The following AFTPH variants were observed in gnomAD, a reference collection of about 807,000 sequenced individuals.
The protein encoded by AFTPH is aftiphilin.
In AFTPH, 7 loss-of-function variants were observed where a neutral mutation model predicts 72.5. That is an observed-to-expected ratio of 0.10 (90% CI 0.05 to 0.18). The LOEUF (loss-of-function observed/expected upper bound fraction) is 0.18, where lower values mean the gene tolerates loss of function less well. AFTPH is among the 10% of genes least tolerant of loss of function. The probability of loss-of-function intolerance (pLI) is 1.00; values close to 1 mark genes in which losing one functional copy is unlikely to be tolerated. For synonymous variants in AFTPH, 337 were observed against 370.1 expected, an observed-to-expected ratio of 0.91 and a Z score of 1.03; for missense variants, 979 against 1,060.5, an observed-to-expected ratio of 0.92 and a Z score of 1.07.
At chr2:64,542,103 A>T (rs1421069997) in intron 1 of AFTPH, among the ~76,000 whole-genome samples, 1 of 152,230 alleles carries the variant, frequency 6.6e-6, no homozygotes, top group Non-Finnish European at 1.5e-5. Context: ...ACATTGATAC[A>T]GCTGGGCTGG....
At chr2:64,540,282 G>A (rs1010537176) in intron 1 of AFTPH, among the ~76,000 whole-genome samples, 4 of 152,086 alleles carry the variant, frequency 2.6e-5, no homozygotes, top group African/African-American at 9.7e-5. Flanking sequence ...ATCCATCCTC[G>A]TGGATGCTTC....
chr2:64,591,250 G>T (rs1673807805), intron 8 of AFTPH, among the ~76,000 whole-genome samples: 1 of 152,200 alleles, frequency 6.6e-6, no homozygotes, highest in South Asian at 2.1e-4. Context: ...TAGGATTTGA[G>T]ATTTCCCTCA....
intron 8 of AFTPH, among the ~76,000 whole-genome samples, chr2:64,587,724 T>C (rs892647194): frequency 1.3e-5 from 2 of 152,250 alleles, no homozygotes; most frequent in Non-Finnish European, 2.9e-5. Flanking sequence ...AATTTATATG[T>C]GCTCTTCTCT....
exon 2 of AFTPH, chr2:64,551,653 T>C: frequency 1.2e-6 from 2 of 1,614,050 alleles, no homozygotes; most frequent in Non-Finnish European, 1.7e-6. Context: ...GAAGAGTTTG[T>C]ACCTTCAAAC....
intron 2 of AFTPH, among the ~76,000 whole-genome samples, chr2:64,567,278 A>C (rs1403449309): frequency 6.6e-6 from 1 of 152,188 alleles, no homozygotes; most frequent in Middle Eastern, 3.2e-3. Context: ...TCTTTTTTGT[A>C]GAATTTTGTA....
intron 6 of AFTPH, among the ~76,000 whole-genome samples, chr2:64,579,281 G>A (rs1673018025): frequency 6.6e-6 from 1 of 152,122 alleles, no homozygotes; most frequent in Non-Finnish European, 1.5e-5. Flanking sequence ...CTTTTTAAAT[G>A]TCAATAACCT....
chr2:64,545,200 G>A (rs542784340), intron 1 of AFTPH, among the ~76,000 whole-genome samples: 6 of 152,152 alleles, frequency 3.9e-5, no homozygotes, highest in African/African-American at 1.4e-4. Context: ...TTCTTTGAAA[G>A]TAAGGTATTA....
chr2:64,555,600 A>C (rs1040089556), intron 2 of AFTPH, among the ~76,000 whole-genome samples: 1 of 137,314 alleles, frequency 7.3e-6, no homozygotes, highest in African/African-American at 2.9e-5. Context: ...CACACACACA[A>C]GACTTTCTTG....
intron 2 of AFTPH, among the ~76,000 whole-genome samples, chr2:64,553,962 C>T (rs752068246): frequency 1.2e-4 from 19 of 152,008 alleles, no homozygotes; most frequent in Admixed American, 9.2e-4. Context: ...AACAGAAAAA[C>T]AACTAGAAAA....
At chr2:64,554,242 C>T (rs1364192838) in intron 2 of AFTPH, among the ~76,000 whole-genome samples, 1 of 152,152 alleles carries the variant, frequency 6.6e-6, no homozygotes, top group Non-Finnish European at 1.5e-5. Context: ...TTAAGATTCA[C>T]TTTGACCTAA....
chr2:64,562,874 C>T (rs528017338), intron 2 of AFTPH, among the ~76,000 whole-genome samples: 2 of 152,166 alleles, frequency 1.3e-5, no homozygotes, highest in African/African-American at 2.4e-5. Flanking sequence ...TACTGCCTTA[C>T]GTGCCTAAGG....
At chr2:64,531,763 T>A (rs1446956845) in intron 1 of AFTPH, among the ~76,000 whole-genome samples, 1 of 152,192 alleles carries the variant, frequency 6.6e-6, no homozygotes, top group Non-Finnish European at 1.5e-5. Flanking sequence ...AAAATAATAT[T>A]GTGGATACTT....
chr2:64,549,260 A>G (rs192954120), intron 1 of AFTPH, among the ~76,000 whole-genome samples: 1 of 102,690 alleles, frequency 9.7e-6, no homozygotes, highest in Non-Finnish European at 2.2e-5. Flanking sequence ...GTATCTGTTT[A>G]TTATTTATGT....
intron 6 of AFTPH, among the ~76,000 whole-genome samples, chr2:64,577,679 G>A (rs1362170399): frequency 6.6e-6 from 1 of 152,130 alleles, no homozygotes; most frequent in African/African-American, 2.4e-5. Context: ...TTTATGATCA[G>A]CTAAAGAAGA....
rs182498115 is a variant in AFTPH, at chr2:64,567,150, G to T, written c.1936-412G>T. 1.2e-3 allele frequency among the ~76,000 whole-genome samples: 186 copies of T among 152,294 alleles called. 2 individuals carry two copies. The highest frequency in any genetic ancestry group is 3.9e-3 in the African/African-American group (162 of 41,558). Reference sequence around the variant, plus strand: ...CTAAATCTAGAGTAGATGAGTGGTAGTAAGAGACATTCCAGTGTGGTGGAA... The same window carrying T: ...CTAAATCTAGAGTAGATGAGTGGTATTAAGAGACATTCCAGTGTGGTGGAA... On this transcript the variant is annotated intron_variant, in intron 2 of 8. Coordinates refer to ENST00000238856, the Ensembl canonical transcript of AFTPH.
intron 6 of AFTPH, among the ~76,000 whole-genome samples, chr2:64,574,411 T>C (rs892857688): frequency 3.9e-5 from 6 of 152,182 alleles, no homozygotes; most frequent in African/African-American, 2.4e-5. Flanking sequence ...ATTAAGGACA[T>C]TGAAGAGTCC....
At chr2:64,579,724 C>T in intron 7 of AFTPH, 178 bp downstream of exon 7, 1 of 533,234 alleles carries the variant, frequency 1.9e-6, no homozygotes, top group Non-Finnish European at 3.3e-6. Context: ...TTACTATTAT[C>T]AACAGTATTA....
intron 8 of AFTPH, among the ~76,000 whole-genome samples, chr2:64,590,953 T>A (rs1673792409): frequency 6.6e-6 from 1 of 152,198 alleles, no homozygotes; most frequent in Non-Finnish European, 1.5e-5. Context: ...CCAGCTATCC[T>A]TTACCATAAA....
chr2:64,557,602 C>T (rs1671460410), intron 2 of AFTPH, among the ~76,000 whole-genome samples: 2 of 152,172 alleles, frequency 1.3e-5, no homozygotes, highest in Admixed American at 1.3e-4. Flanking sequence ...GCCTCAGCCT[C>T]CCAAGTAGCT....
Sources: gnomAD v4.1 joint callset for allele counts (sites outside exome capture counted in the v4.1 genomes callset) on GRCh38, gnomAD v4.1.1 for gene constraint, MANE v1.5 for transcripts, NCBI Gene and HGNC (gene_info 2026-07-23, HGNC 2026-07-21) for gene names.